HERC1: variants seen among roughly 807,000 people sequenced by gnomAD.
The protein encoded by HERC1 is HECT and RLD domain containing E3 ubiquitin protein ligase family member 1, also known as probable E3 ubiquitin-protein ligase HERC1.
Under a neutral mutation model 554.3 loss-of-function variants are expected in HERC1, and 160 were observed. That is an observed-to-expected ratio of 0.29 (90% CI 0.25 to 0.33). The LOEUF (loss-of-function observed/expected upper bound fraction) is 0.33. Among genes scored for constraint, HERC1 ranks in the 10% least tolerant of loss-of-function variants. The pLI is 1.00. For missense variants in HERC1, 4,919 were observed against 5,918.5 expected, an observed-to-expected ratio of 0.83 and a Z score of 5.54; for synonymous variants, 2,175 against 2,131.7, an observed-to-expected ratio of 1.02 and a Z score of -0.56.
chr15:63,654,247 C>A lies in HERC1; in HGVS notation c.10162G>T (p.Ala3388Ser). The A allele has an allele frequency of 1.9e-6, 3 of 1,614,022 alleles. No homozygotes were observed. The highest frequency in any genetic ancestry group is 2.5e-6 in the Non-Finnish European group (3 of 1,179,894). ...RLSSQHRQWA[A>S]QQLVRTLAAH... is the part of the protein sequence containing the mutation. Reference sequence around the variant, plus strand: ...GCAAGAGTGCGCACGAGTTGCTGAGCTGCCCATTGCCGATGCTGTGAGGAC... The same window carrying A: ...GCAAGAGTGCGCACGAGTTGCTGAGATGCCCATTGCCGATGCTGTGAGGAC... Residue 3388 changes from alanine to serine, a missense_variant, in exon 51 of 78, where the codon GCT (alanine) becomes TCT (serine). By Grantham distance (99) the Ala-to-Ser change is moderately conservative (BLOSUM62 1). Transcript: ENST00000443617.
At chr15:63,632,639 T>A (rs773825114) in intron 68 of HERC1, 70 bp downstream of exon 68, 6 of 1,002,484 alleles carry the variant, frequency 6.0e-6, no homozygotes, top group Non-Finnish European at 1.5e-6. Flanking sequence ...TTAGAGCACA[T>A]TCTGTAACAC....
intron 1 of HERC1, among the ~76,000 whole-genome samples, chr15:63,787,185 C>G (rs994534855): frequency 1.4e-4 from 21 of 151,134 alleles, no homozygotes; most frequent in Non-Finnish European, 2.1e-4. Context: ...GAGATGGAGT[C>G]TCACTCCGTC....
chr15:63,706,865 A>C (rs1448465339), intron 24 of HERC1, 34 bp from the exon 25 acceptor site: 1 of 1,308,566 alleles, frequency 7.6e-7, no homozygotes, highest in Non-Finnish European at 1.1e-6. Context: ...AATAAAATTT[A>C]GTTGTGAAAA....
At chr15:63,808,565 C>T (rs541529078) in intron 1 of HERC1, among the ~76,000 whole-genome samples, 11 of 152,262 alleles carry the variant, frequency 7.2e-5, no homozygotes, top group Admixed American at 6.5e-4. Context: ...GAATTACAGG[C>T]GTGAGCCACT....
intron 22 of HERC1, among the ~76,000 whole-genome samples, chr15:63,714,501 C>A (rs986139727): frequency 6.7e-6 from 1 of 149,322 alleles, no homozygotes; most frequent in African/African-American, 2.5e-5. Flanking sequence ...ATTTTTTGCA[C>A]AAATTTGGAG....
chr15:63,724,267 G>A (rs1297159533), intron 18 of HERC1, among the ~76,000 whole-genome samples: 1 of 152,052 alleles, frequency 6.6e-6, no homozygotes, highest in Non-Finnish European at 1.5e-5. Flanking sequence ...TGACAGCAGT[G>A]GAATTATCTT....
intron 4 of HERC1, among the ~76,000 whole-genome samples, chr15:63,757,107 T>C (rs1367139275): frequency 2.6e-5 from 4 of 151,522 alleles, no homozygotes; most frequent in Non-Finnish European, 4.4e-5. Context: ...AAGAACCATA[T>C]AAAATGTATT....
chr15:63,650,626 G>C (rs1196163873), intron 53 of HERC1, among the ~76,000 whole-genome samples: 2 of 152,056 alleles, frequency 1.3e-5, no homozygotes, highest in Admixed American at 6.5e-5. Flanking sequence ...TTATAGAAGA[G>C]AGTGTAAAGA....
In HERC1 at chr15:63,686,330, T is replaced by C. The variant is rs370815220; in HGVS notation, c.6225+29A>G. ...GAAAAAAAAGGACTAAAAGACAAAA[T>C]GCTAAAAACTATTAGATTTTCTACG... On this transcript the variant is annotated intron_variant, in intron 34 of 77. Transcript: ENST00000443617. The C allele has an allele frequency of 8.3e-5, 126 of 1,525,718 alleles. No homozygotes were observed. The African/African-American group carries it at 1.6e-3, about 20-fold the overall frequency. 94.5% of individuals were successfully genotyped at this position (1,525,718 alleles called of 1,614,324 possible).
chr15:63,826,114 G>A (rs1430354572), intron 1 of HERC1, among the ~76,000 whole-genome samples: 1 of 152,124 alleles, frequency 6.6e-6, no homozygotes, highest in African/African-American at 2.4e-5. Flanking sequence ...CTCATCAAGT[G>A]CCAGAATCTT....
chr15:63,742,984 G>A (rs2074873226), intron 12 of HERC1, among the ~76,000 whole-genome samples: 1 of 152,034 alleles, frequency 6.6e-6, no homozygotes, highest in African/African-American at 2.4e-5. Flanking sequence ...GGTAATACTG[G>A]CCTCACAAAA....
At chr15:63,614,115 C>G (rs2067715428) in intron 76 of HERC1, among the ~76,000 whole-genome samples, 1 of 152,098 alleles carries the variant, frequency 6.6e-6, no homozygotes, top group Non-Finnish European at 1.5e-5. Context: ...AAGACCAATT[C>G]ATATATAAAG....
chr15:63,707,532 T>C (rs2073072330), intron 24 of HERC1, among the ~76,000 whole-genome samples: 3 of 152,146 alleles, frequency 2.0e-5, no homozygotes, highest in African/African-American at 7.2e-5. Context: ...AAACAAATCA[T>C]ATATGACTTA....
chr15:63,774,611 C>T, intron 2 of HERC1, 83 bp downstream of exon 2: 1 of 989,616 alleles, frequency 1.0e-6, no homozygotes, highest in Non-Finnish European at 1.5e-6. Flanking sequence ...AAATCATTCA[C>T]TATTACCACC....
chr15:63,716,877 C>T, intron 21 of HERC1, among the ~76,000 whole-genome samples: 1 of 152,154 alleles, frequency 6.6e-6, no homozygotes, highest in East Asian at 1.9e-4. Flanking sequence ...TATTACTCTG[C>T]ATAAATGTTT....
intron 12 of HERC1, among the ~76,000 whole-genome samples, chr15:63,736,837 C>T (rs1249073245): frequency 6.6e-6 from 1 of 152,056 alleles, no homozygotes; most frequent in Non-Finnish European, 1.5e-5. Context: ...GAACTCCTGA[C>T]CTCAGGTGAT....
chr15:63,689,625 A>T lies in HERC1; in HGVS notation c.6012T>A (p.Ile2004=). ...TTTCTTGTTCTTTTTCCTTTATCTGAATAGCATGTTTGGCCTGAGCAATGG... is the reference window on the plus strand; with the variant it reads ...TTTCTTGTTCTTTTTCCTTTATCTGTATAGCATGTTTGGCCTGAGCAATGG... ...ETPIAQAKHA[I]QIKEKEQEIK... The change falls in exon 33 of 78, where the codon ATT becomes ATA. Residue 2004 remains isoleucine, a synonymous_variant. Transcript: ENST00000443617. 1 of 1,580,204 alleles carries T rather than the reference A, an allele frequency of 6.3e-7. No individual in the cohort carries two copies. The highest frequency in any genetic ancestry group is 8.6e-7 in the Non-Finnish European group (1 of 1,161,422).
At chr15:63,753,795 G>A (rs2075328643) in intron 7 of HERC1, among the ~76,000 whole-genome samples, 1 of 151,964 alleles carries the variant, frequency 6.6e-6, no homozygotes, top group South Asian at 2.1e-4. Flanking sequence ...ATAAGAAACT[G>A]GTTTTATAAA....
chr15:63,619,045 G>A (rs1431750358), intron 74 of HERC1, among the ~76,000 whole-genome samples: 1 of 151,300 alleles, frequency 6.6e-6, no homozygotes, highest in Non-Finnish European at 1.5e-5. Flanking sequence ...GAATAGGAGT[G>A]GTGAGAGAGG....
Sources: allele counts gnomAD v4.1 joint callset (sites outside exome capture counted in the v4.1 genomes callset), GRCh38; gene constraint gnomAD v4.1.1; transcripts MANE v1.5; gene names NCBI Gene and HGNC (gene_info 2026-07-23, HGNC 2026-07-21).